ZNF292: variants seen among roughly 807,000 people sequenced by gnomAD.
ZNF292 encodes 16 zinc-finger domain protein.
In ZNF292, 26 loss-of-function variants were observed where a neutral mutation model predicts 217.9. The ratio of observed to expected loss-of-function variants is 0.12; its 90% CI spans 0.09 to 0.17. ZNF292 has a LOEUF of 0.17. Among genes scored for constraint, ZNF292 ranks in the 10% least tolerant of loss-of-function variants. The pLI is 1.00. For synonymous variants in ZNF292, 1,257 were observed against 1,124.1 expected (o/e 1.12, Z -2.37); for missense variants, 2,904 against 3,175.2 (o/e 0.91, Z 2.05).
At chr6:87,209,366 G>A (rs1772387470) in intron 1 of ZNF292, among the ~76,000 whole-genome samples, 1 of 152,146 alleles carries the variant, frequency 6.6e-6, no homozygotes, top group Non-Finnish European at 1.5e-5. Flanking sequence ...TAGTTTCAGT[G>A]AGGTTTGGGG....
chr6:87,212,816 A>G (rs1399286573), intron 1 of ZNF292, among the ~76,000 whole-genome samples: 1 of 152,228 alleles, frequency 6.6e-6, no homozygotes, highest in African/African-American at 2.4e-5. Context: ...AGCAGTCCAT[A>G]GTTCTCTGTC....
chr6:87,252,230 C>A (rs1425214614), intron 7 of ZNF292, among the ~76,000 whole-genome samples: 2 of 151,762 alleles, frequency 1.3e-5, no homozygotes, highest in Non-Finnish European at 2.9e-5. Flanking sequence ...CGGCTCACTG[C>A]AACCTCTGCC....
intron 4 of ZNF292, among the ~76,000 whole-genome samples, chr6:87,232,688 T>C (rs1354060467): frequency 6.6e-6 from 1 of 152,158 alleles, no homozygotes; most frequent in East Asian, 1.9e-4. Flanking sequence ...TATTCATTGA[T>C]GTTTTAAAAA....
intron 1 of ZNF292, among the ~76,000 whole-genome samples, chr6:87,196,475 T>A (rs1771955960): frequency 6.6e-6 from 1 of 152,224 alleles, no homozygotes; most frequent in African/African-American, 2.4e-5. Flanking sequence ...CACTTTGCTG[T>A]TCATGCATAT....
chr6:87,212,268 A>G (rs1225312834), intron 1 of ZNF292, among the ~76,000 whole-genome samples: 2 of 152,152 alleles, frequency 1.3e-5, no homozygotes, highest in Non-Finnish European at 2.9e-5. Flanking sequence ...CAGCACATGG[A>G]TGTGTTTTCC....
intron 1 of ZNF292, among the ~76,000 whole-genome samples, chr6:87,172,915 A>AAT (rs1554194893): frequency 3.4e-5 from 5 of 146,230 alleles, no homozygotes; most frequent in African/African-American, 1.3e-4. Flanking sequence ...AAAAAAAAAA[A>AAT]TTTTTTTTTA....
intron 1 of ZNF292, among the ~76,000 whole-genome samples, chr6:87,177,369 C>T (rs1288458095): frequency 4.0e-5 from 6 of 151,802 alleles, no homozygotes; most frequent in Non-Finnish European, 8.8e-5. Flanking sequence ...TCATTTTTAG[C>T]TCCTCCTCTT....
At position 87,265,296 on chromosome 6, in the gene ZNF292, C is replaced by T. The variant is rs554277207; in HGVS notation, c.*3495C>T. Among the ~76,000 whole-genome samples, 1 of 152,032 alleles carries T rather than the reference C, an allele frequency of 6.6e-6. No individual in the cohort carries two copies. Among genetic ancestry groups the T allele is most frequent in the South Asian group, 2.1e-4 (1 of 4,816 alleles). On this transcript the variant is annotated 3_prime_UTR_variant, in exon 8 of 8. Coordinates refer to ENST00000369577, the MANE Select transcript of ZNF292 (RefSeq NM_015021.3). ...CACCCAGCTAATTTTGTAGTTTTGG[C>T]ACAATCTCAGCTCAGTGCAACTTCC... is the stretch of plus-strand genomic sequence containing the variant.
chr6:87,252,198 C>T (rs1361277243), intron 7 of ZNF292, among the ~76,000 whole-genome samples: 2 of 151,854 alleles, frequency 1.3e-5, no homozygotes, highest in Non-Finnish European at 2.9e-5. Flanking sequence ...GTTGCCCAGG[C>T]TGGAGTGCAG....
At chr6:87,174,780 C>T (rs755981781) in intron 1 of ZNF292, among the ~76,000 whole-genome samples, 2 of 151,952 alleles carry the variant, frequency 1.3e-5, no homozygotes, top group Non-Finnish European at 2.9e-5. Flanking sequence ...ATCATGACAC[C>T]GATGTGTATA....
intron 7 of ZNF292, among the ~76,000 whole-genome samples, chr6:87,248,183 G>A (rs6454595): frequency 0.62 from 94,489 of 152,078 alleles, 30,680 homozygotes; most frequent in African/African-American, 0.81. Flanking sequence ...GTATTTTTAA[G>A]TGAATTTTTT....
At chr6:87,158,518 A>C (rs1770619376) in intron 1 of ZNF292, among the ~76,000 whole-genome samples, 2 of 152,116 alleles carry the variant, frequency 1.3e-5, no homozygotes, top group South Asian at 4.1e-4. Flanking sequence ...AAAACAAATC[A>C]AAAAAATTAG....
chr6:87,155,797 C>T (rs1252319157), intron 1 of ZNF292, 38 bp downstream of exon 1: 4 of 1,542,132 alleles, frequency 2.6e-6, no homozygotes, highest in Non-Finnish European at 3.5e-6. Flanking sequence ...CTTTCCCCAG[C>T]TAGAGGGGGA....
At chr6:87,225,992 T>C (rs1428584791) in intron 4 of ZNF292, among the ~76,000 whole-genome samples, 1 of 152,220 alleles carries the variant, frequency 6.6e-6, no homozygotes, top group Non-Finnish European at 1.5e-5. Context: ...ACCAGGTGTC[T>C]GACACTCATG....
At chr6:87,176,613 C>T (rs1038920953) in intron 1 of ZNF292, among the ~76,000 whole-genome samples, 3 of 152,066 alleles carry the variant, frequency 2.0e-5, no homozygotes, top group African/African-American at 2.4e-5. Flanking sequence ...ACCCTATCAC[C>T]CTCAATGTTT....
chr6:87,168,608 T>A (rs749299405), intron 1 of ZNF292, among the ~76,000 whole-genome samples: 1 of 152,166 alleles, frequency 6.6e-6, no homozygotes, highest in Non-Finnish European at 1.5e-5. Flanking sequence ...TAACTGGGAT[T>A]ACAGGTGCGC....
intron 1 of ZNF292, among the ~76,000 whole-genome samples, chr6:87,184,811 A>C (rs1379882067): frequency 1.3e-5 from 2 of 152,188 alleles, no homozygotes; most frequent in Non-Finnish European, 2.9e-5. Context: ...GAGGACCCTG[A>C]GGGGCTGCTT....
intron 4 of ZNF292, among the ~76,000 whole-genome samples, chr6:87,220,796 G>GC (rs1773044485): frequency 6.6e-6 from 1 of 152,124 alleles, no homozygotes; most frequent in African/African-American, 2.4e-5. Context: ...TCTTGTCATA[G>GC]CCACTGGAAT....
intron 1 of ZNF292, among the ~76,000 whole-genome samples, chr6:87,187,071 A>T (rs1377986552): frequency 6.6e-6 from 1 of 152,086 alleles, no homozygotes; most frequent in Admixed American, 6.5e-5. Context: ...TAGTAAATTA[A>T]TTTTTTCCTC....
Sources: gnomAD v4.1 joint callset for allele counts (sites outside exome capture counted in the v4.1 genomes callset) on GRCh38, gnomAD v4.1.1 for gene constraint, MANE v1.5 for transcripts, NCBI Gene and HGNC (gene_info 2026-07-23, HGNC 2026-07-21) for gene names.